The following SNRPC variants were observed in gnomAD, a reference collection of about 807,000 sequenced individuals.
SNRPC encodes the protein U1 small nuclear ribonucleoprotein C.
Under a neutral mutation model 20.0 loss-of-function variants are expected in SNRPC, and 5 were observed. The ratio of observed to expected loss-of-function variants is 0.25; its 90% CI spans 0.13 to 0.53. The LOEUF (loss-of-function observed/expected upper bound fraction) is 0.53, where lower values mean the gene tolerates loss of function less well. Ranked by LOEUF, SNRPC falls within the 20% of genes least tolerant of loss-of-function variation. The pLI is 0.96. For missense variants in SNRPC, 112 were observed against 224.1 expected (o/e 0.50, Z 3.19); for synonymous variants, 61 against 58.7 (o/e 1.04, Z -0.18).
At chr6:34,760,958 G>A (rs112826162) in intron 2 of SNRPC, among the ~76,000 whole-genome samples, 32,997 of 150,996 alleles carry the variant, frequency 0.22, 4,383 homozygotes, top group African/African-American at 0.37. Context: ...TGAAGCAGGA[G>A]AATCACTTGA....
Position 34,773,681 on chromosome 6 carries a change from C to T in SNRPC, c.*111C>T. On this transcript the variant is annotated 3_prime_UTR_variant, in exon 6 of 6. Transcript: ENST00000244520. The surrounding 1 kb of genome is among the most constrained non-coding windows in gnomAD (Gnocchi z 4.1). ...CTAAACAGCATAAGGAAGACTTGCT[C>T]CCCTGTCCTATGAAAGAGAATAGTT... 1 of 890,616 alleles carries T rather than the reference C, an allele frequency of 1.1e-6. No individual in the cohort carries two copies. Among genetic ancestry groups the T allele is most frequent in the Non-Finnish European group, 1.7e-6 (1 of 596,522 alleles). The allele number at this position is 890,616 out of a possible 1,614,324, so 55.2% of individuals were successfully genotyped here. A position where few individuals can be genotyped will look rare whatever the true frequency, so the allele number is the denominator to read the frequency against.
At chr6:34,757,763 G>T in intron 1 of SNRPC, 149 bp from the exon 2 acceptor site, 1 of 1,569,094 alleles carries the variant, frequency 6.4e-7, no homozygotes, top group South Asian at 1.1e-5. Context: ...CCTGGTTTAT[G>T]TGTCGACGCT....
Position 34,770,272 on chromosome 6 carries a change from G to C in SNRPC, c.251-19G>C. 6.6e-7 allele frequency: 1 copy of C among 1,513,650 alleles called. No individual in the cohort carries two copies. Among genetic ancestry groups the C allele is most frequent in the Non-Finnish European group, 9.2e-7 (1 of 1,089,018 alleles). 93.8% of individuals were successfully genotyped at this position (1,513,650 alleles called of 1,614,324 possible). ...ATATGTGAGCACACCTTAACCACAGGCTCCATTCTTTATTTCAGCGGGTCC... is the reference window on the plus strand; with the variant it reads ...ATATGTGAGCACACCTTAACCACAGCCTCCATTCTTTATTTCAGCGGGTCC... On this transcript the variant is annotated intron_variant, in intron 4 of 5. Transcript: ENST00000244520.
At chr6:34,758,801 C>G (rs867948947) in intron 2 of SNRPC, among the ~76,000 whole-genome samples, 1 of 151,364 alleles carries the variant, frequency 6.6e-6, no homozygotes, top group African/African-American at 2.4e-5. Context: ...CCGAGGCGGG[C>G]GGATCACGAG....
rs9968899 is a variant in SNRPC, at chr6:34,767,972, G to A, written c.225G>A (p.Ala75=). 1,318 of 1,611,504 alleles carry A rather than the reference G, an allele frequency of 8.2e-4. 8 individuals are homozygous for A. In the African/African-American group the frequency reaches 0.013, roughly 16 times the overall value. The change falls in exon 4 of 6, where the codon GCG becomes GCA. Residue 75 remains alanine (A), a synonymous_variant. Coordinates refer to ENST00000244520, the MANE Select transcript of SNRPC (RefSeq NM_003093.3). ...TCTCTGCTCCTCCTCCTGCAGGGGC[G>A]ATGATACCACCTCCCCCCAGCCTTC... The part of the protein sequence containing the change: ...TPFSAPPPAG[A]MIPPPPSLPG...
chr6:34,758,992 C>A (rs1369378125), intron 2 of SNRPC, among the ~76,000 whole-genome samples: 3 of 142,832 alleles, frequency 2.1e-5, no homozygotes, highest in African/African-American at 8.0e-5. Context: ...TGCACTCCAG[C>A]CTGGGCGACA....
At chr6:34,767,408 C>T (rs757285671) in intron 3 of SNRPC, among the ~76,000 whole-genome samples, 1 of 152,192 alleles carries the variant, frequency 6.6e-6, no homozygotes, top group Non-Finnish European at 1.5e-5. Context: ...ATTGCGTGGA[C>T]TCAGGAGTTT....
chr6:34,763,262 A>G (rs1226212500), intron 3 of SNRPC, among the ~76,000 whole-genome samples: 1 of 152,184 alleles, frequency 6.6e-6, no homozygotes, highest in African/African-American at 2.4e-5. Context: ...GGTCCGGGAC[A>G]CTAACAGAAG....
chr6:34,762,559 T>G, intron 2 of SNRPC, 36 bp from the exon 3 acceptor site: 1 of 1,129,808 alleles, frequency 8.9e-7, no homozygotes, highest in Non-Finnish European at 1.3e-6. Flanking sequence ...GTTGGACATT[T>G]GTTTCTACGT....
At chr6:34,767,378 T>C (rs1197795998) in intron 3 of SNRPC, among the ~76,000 whole-genome samples, 1 of 152,242 alleles carries the variant, frequency 6.6e-6, no homozygotes, top group East Asian at 1.9e-4. Context: ...CCTAGCACTC[T>C]GGTAAGCTGA....
Position 34,766,621 on chromosome 6 carries a change from A to C in SNRPC, c.161-1287A>C, listed in dbSNP as rs571897756. On this transcript the variant is annotated intron_variant, in intron 3 of 5. Coordinates refer to ENST00000244520, the MANE Select transcript of SNRPC (RefSeq NM_003093.3). ...CTATGAAATCCATGATTATATTGAC[A>C]TAGAGCCTGCTACTAAGTCAGTGAC... 8.2e-4 allele frequency among the ~76,000 whole-genome samples: 125 copies of C among 152,352 alleles called. No individual in the cohort carries two copies. In the South Asian group the frequency reaches 8.3e-3, roughly 10 times the overall value.
rs1484564205 is a variant in SNRPC, at chr6:34,758,268, AAAG to A, written c.51+315_51+317del. ...CTCCAGCCTGGACAACAAAACAAAA[AAAG>A]CTGCTTGTCAAATAATAACAACAGT... On this transcript the variant is annotated intron_variant, in intron 2 of 5. Coordinates refer to ENST00000244520, the MANE Select transcript of SNRPC (RefSeq NM_003093.3). Among the ~76,000 whole-genome samples, 3 of 152,294 alleles carry A rather than the reference AAAG, an allele frequency of 2.0e-5. No homozygotes were observed. The East Asian group carries it at 5.8e-4, about 29-fold the overall frequency.
At position 34,773,508 on chromosome 6, in the gene SNRPC, A is replaced by C. The variant is rs1476786072; in HGVS notation, c.418A>C (p.Arg140=). Residue 140 remains arginine, a synonymous_variant, in exon 6 of 6, where the codon AGA becomes CGA. Coordinates refer to ENST00000244520, the MANE Select transcript of SNRPC (RefSeq NM_003093.3). This position sits in a 1 kb window ranked among gnomAD's most constrained non-coding sequence, Gnocchi z 4.1. ...AATGATGCCTGGGCCCCCAATGATGAGACCTCCTGCCCGTCCCATGATGGT... is the reference window on the plus strand; with the variant it reads ...AATGATGCCTGGGCCCCCAATGATGCGACCTCCTGCCCGTCCCATGATGGT... The part of the protein sequence containing the change: ...MPMMPGPPMM[R]PPARPMMVPT... 2 of 1,613,786 alleles carry C rather than the reference A, an allele frequency of 1.2e-6. No individual in the cohort carries two copies. The highest frequency in any genetic ancestry group is 1.1e-5 in the South Asian group (1 of 91,080).
At chr6:34,770,585 T>G (rs1272009000) in intron 5 of SNRPC, among the ~76,000 whole-genome samples, 190 bp downstream of exon 5, 3 of 152,230 alleles carry the variant, frequency 2.0e-5, no homozygotes, top group African/African-American at 7.2e-5. Flanking sequence ...TGTAACAAAT[T>G]AAATTTGGTC....
chr6:34,767,810 T>C, intron 3 of SNRPC, 98 bp from the exon 4 acceptor site: 1 of 1,216,364 alleles, frequency 8.2e-7, no homozygotes, highest in Non-Finnish European at 1.1e-6. Context: ...GTAAAGTAAT[T>C]GGAACCGTTG....
intron 5 of SNRPC, among the ~76,000 whole-genome samples, chr6:34,772,203 C>T (rs1561792372): frequency 6.6e-6 from 1 of 152,116 alleles, no homozygotes; most frequent in Non-Finnish European, 1.5e-5. Flanking sequence ...GTTCATTATA[C>T]TCTTCTTTAC....
At chr6:34,760,084 AG>A (rs1194136158) in intron 2 of SNRPC, among the ~76,000 whole-genome samples, 1 of 151,766 alleles carries the variant, frequency 6.6e-6, no homozygotes, top group Non-Finnish European at 1.5e-5. Flanking sequence ...TTCCTCTTGA[AG>A]ACATTATTAT....
At chr6:34,764,935 C>T (rs889831437) in intron 3 of SNRPC, among the ~76,000 whole-genome samples, 22 of 151,784 alleles carry the variant, frequency 1.4e-4, no homozygotes, top group Admixed American at 1.2e-3. Context: ...GCAGGAGAAT[C>T]GCTTGAACCC....
intron 2 of SNRPC, among the ~76,000 whole-genome samples, chr6:34,760,111 C>CTTTTTTTTTTTTTTTTTTTATT (rs201265600): frequency 8.1e-6 from 1 of 123,410 alleles, no homozygotes; most frequent in Non-Finnish European, 1.7e-5. Context: ...TGTATATTAT[C>CTTTTTTTTTTTTTTTTTTTATT]TTTTTTTTTT....
Sources: allele counts gnomAD v4.1 joint callset (sites outside exome capture counted in the v4.1 genomes callset), GRCh38; gene constraint gnomAD v4.1.1; non-coding constraint Gnocchi (gnomAD v3.1); transcripts MANE v1.5; gene names NCBI Gene and HGNC (gene_info 2026-07-23, HGNC 2026-07-21).